Variants in MBNL1 observed in about 807,000 individuals in gnomAD.
MBNL1 encodes muscleblind-like protein 1.
A neutral mutation model predicts 42.2 loss-of-function variants in MBNL1; 8 were observed. The ratio of observed to expected loss-of-function variants is 0.19; its 90% CI spans 0.11 to 0.34. The LOEUF is 0.34. Among genes scored for constraint, MBNL1 ranks in the 10% least tolerant of loss-of-function variants. MBNL1 has a pLI of 1.00. For missense variants in MBNL1, 309 were observed against 495.3 expected (o/e 0.62, Z 3.57); for synonymous variants, 169 against 173.9 (o/e 0.97, Z 0.22).
intron 2 of MBNL1, among the ~76,000 whole-genome samples, chr3:152,383,592 T>C (rs1022956987): frequency 3.9e-5 from 6 of 152,102 alleles, no homozygotes; most frequent in Non-Finnish European, 5.9e-5. Flanking sequence ...AGGTTTCTTA[T>C]GCCTGTGGAA....
At chr3:152,301,131 T>C (rs1217029559) in intron 2 of MBNL1, among the ~76,000 whole-genome samples, 2 of 152,224 alleles carry the variant, frequency 1.3e-5, no homozygotes, top group Admixed American at 6.5e-5. Flanking sequence ...AAGTTAGCTT[T>C]TGTGGGCACC....
intron 6 of MBNL1, among the ~76,000 whole-genome samples, chr3:152,450,907 C>T (rs914951825): frequency 3.3e-5 from 5 of 152,216 alleles, no homozygotes; most frequent in African/African-American, 9.6e-5. Flanking sequence ...GGAAATTCAT[C>T]TTACCACACA....
Position 152,293,263 on chromosome 3 carries a change from T to C in MBNL1, c.-789-6142T>C, listed in dbSNP as rs188755453. Reference sequence around the variant, plus strand: ...AAATACTTACCTCTGCTTTTTGCTATGTGGAGTTGAATAGTGCTGAAGGCT... The same window carrying C: ...AAATACTTACCTCTGCTTTTTGCTACGTGGAGTTGAATAGTGCTGAAGGCT... On this transcript the variant is annotated intron_variant, in intron 1 of 9. Transcript: ENST00000324210. Among the ~76,000 whole-genome samples the C allele has an allele frequency of 1.2e-3, 188 of 152,334 alleles. 2 individuals carry two copies. The highest frequency in any genetic ancestry group is 1.8e-4 in the Non-Finnish European group (12 of 68,022).
chr3:152,402,849 G>A (rs2098284114), intron 2 of MBNL1, among the ~76,000 whole-genome samples: 1 of 152,142 alleles, frequency 6.6e-6, no homozygotes, highest in South Asian at 2.1e-4. Flanking sequence ...CATTCACTTG[G>A]TAAACACTTA....
At chr3:152,256,534 C>T (rs1005038627) in intron 2 of MBNL1, among the ~76,000 whole-genome samples, 5 of 152,084 alleles carry the variant, frequency 3.3e-5, no homozygotes, top group Middle Eastern at 3.2e-3. Flanking sequence ...TAAAAGTAGA[C>T]GTAAATTACT....
At position 152,375,548 on chromosome 3, in the gene MBNL1, A is replaced by G. The variant is rs2096860558; in HGVS notation, c.175-39393A>G. Among the ~76,000 whole-genome samples the G allele has an allele frequency of 2.0e-5, 3 of 152,230 alleles. No homozygotes were observed. The South Asian group carries it at 6.2e-4, about 31-fold the overall frequency. On this transcript the variant is annotated intron_variant, in intron 2 of 9. Transcript: ENST00000324210. Reference sequence around the variant, plus strand: ...GAGGATCACTTGAGGCCAGAGTTCAAGACCAGCCTGAGCAACATAGTGATT... The same window carrying G: ...GAGGATCACTTGAGGCCAGAGTTCAGGACCAGCCTGAGCAACATAGTGATT...
intron 2 of MBNL1, among the ~76,000 whole-genome samples, chr3:152,390,973 T>C (rs1469148020): frequency 6.6e-6 from 1 of 152,178 alleles, no homozygotes; most frequent in Non-Finnish European, 1.5e-5. Context: ...AAACTTAAAA[T>C]AAGAACAACA....
intron 2 of MBNL1, among the ~76,000 whole-genome samples, chr3:152,326,282 T>A (rs2080030043): frequency 6.6e-6 from 1 of 152,106 alleles, no homozygotes; most frequent in Non-Finnish European, 1.5e-5. Context: ...AAAATTAGAG[T>A]CGAGTTTAAC....
chr3:152,461,084 G>C (rs1744941037), intron 9 of MBNL1, among the ~76,000 whole-genome samples: 1 of 152,112 alleles, frequency 6.6e-6, no homozygotes, highest in South Asian at 2.1e-4. Flanking sequence ...CCTTGTAAAA[G>C]AAGGACAGTG....
chr3:152,275,242 G>GTTCT (rs1186065214), intron 1 of MBNL1, among the ~76,000 whole-genome samples: 24 of 152,248 alleles, frequency 1.6e-4, no homozygotes, highest in African/African-American at 5.3e-4. Flanking sequence ...CTTTCTGTGG[G>GTTCT]TAAGAAATGG....
chr3:152,338,470 G>T (rs1190064632), intron 2 of MBNL1: 3 of 985,374 alleles, frequency 3.0e-6, no homozygotes, highest in Non-Finnish European at 3.6e-6. Context: ...GCTTTCAGTT[G>T]TTAAGGCTTC....
intron 9 of MBNL1, 41 bp downstream of exon 9, chr3:152,459,386 GT>G (rs927905524): frequency 4.4e-5 from 54 of 1,228,462 alleles, no homozygotes; most frequent in African/African-American, 1.4e-4. Flanking sequence ...ATTTGTGGTG[GT>G]TTTTTTTAAG....
intron 2 of MBNL1, among the ~76,000 whole-genome samples, chr3:152,401,807 C>T (rs866802581): frequency 1.2e-4 from 18 of 151,938 alleles, no homozygotes; most frequent in Non-Finnish European, 8.8e-5. Context: ...GGGCAGATCA[C>T]GAGGTCAAGA....
chr3:152,390,162 A>C (rs114526377), intron 2 of MBNL1, among the ~76,000 whole-genome samples: 525 of 152,026 alleles, frequency 3.5e-3, no homozygotes, highest in African/African-American at 0.012. Context: ...TAAAAAAAAA[A>C]AAACTTACTG....
chr3:152,371,377 C>T (rs527596339), intron 2 of MBNL1, among the ~76,000 whole-genome samples: 1 of 152,304 alleles, frequency 6.6e-6, no homozygotes, highest in East Asian at 1.9e-4. Flanking sequence ...GCTGGCAGAT[C>T]ACCTGAGGTC....
chr3:152,443,252 T>C (rs1340178711), intron 4 of MBNL1, among the ~76,000 whole-genome samples: 1 of 146,718 alleles, frequency 6.8e-6, no homozygotes, highest in Non-Finnish European at 1.5e-5. Flanking sequence ...TCTTCTTTCT[T>C]GTTAATGCGG....
intron 4 of MBNL1, among the ~76,000 whole-genome samples, chr3:152,443,324 C>T (rs184810173): frequency 6.6e-6 from 1 of 151,936 alleles, no homozygotes; most frequent in Non-Finnish European, 1.5e-5. Context: ...TCATTTTGAG[C>T]ATATTCAAGA....
At chr3:152,331,136 C>G (rs572416981) in intron 2 of MBNL1, among the ~76,000 whole-genome samples, 2 of 151,894 alleles carry the variant, frequency 1.3e-5, no homozygotes, top group East Asian at 1.9e-4. Context: ...CTTACTCCCT[C>G]GTTCCTGCTC....
At chr3:152,436,622 T>G (rs1175907801) in intron 4 of MBNL1, among the ~76,000 whole-genome samples, 1 of 152,232 alleles carries the variant, frequency 6.6e-6, no homozygotes, top group Non-Finnish European at 1.5e-5. Context: ...CTTTAATGAA[T>G]TAATTATTAA....
Sources: gnomAD v4.1 joint callset for allele counts (sites outside exome capture counted in the v4.1 genomes callset) on GRCh38, gnomAD v4.1.1 for gene constraint, MANE v1.5 for transcripts, NCBI Gene and HGNC (gene_info 2026-07-23, HGNC 2026-07-21) for gene names.